The following ARMH3 variants were observed in gnomAD, a reference collection of about 807,000 sequenced individuals.
The protein encoded by ARMH3 is armadillo-like helical domain-containing protein 3.
Under a neutral mutation model 99.1 loss-of-function variants are expected in ARMH3, and 60 were observed. The observed-to-expected ratio is 0.61, with a 90% confidence interval of 0.49 to 0.75. The LOEUF is 0.75. Among genes scored for constraint, ARMH3 ranks in the 30% least tolerant of loss-of-function variants. ARMH3 has a pLI of 0.00. For synonymous variants in ARMH3, 285 were observed against 292.8 expected (o/e 0.97, Z 0.27); for missense variants, 679 against 843.1 (o/e 0.81, Z 2.41).
intron 24 of ARMH3, among the ~76,000 whole-genome samples, chr10:101,885,112 C>T (rs184325220): frequency 2.6e-5 from 4 of 152,032 alleles, no homozygotes; most frequent in East Asian, 1.9e-4. Flanking sequence ...TGAGATACTA[C>T]GTCATACCCA....
chr10:101,987,372 C>T (rs191979299), intron 19 of ARMH3, among the ~76,000 whole-genome samples: 1 of 152,334 alleles, frequency 6.6e-6, no homozygotes, highest in East Asian at 1.9e-4. Flanking sequence ...AGGTCAAATG[C>T]AACCTTCCGA....
At chr10:101,988,607 C>A (rs1214805490) in intron 19 of ARMH3, among the ~76,000 whole-genome samples, 1 of 152,114 alleles carries the variant, frequency 6.6e-6, no homozygotes, top group Non-Finnish European at 1.5e-5. Flanking sequence ...GAAAGCAAGA[C>A]TATATAGTTT....
In ARMH3 at chr10:102,030,457, C is replaced by T. The variant is rs1002477830; in HGVS notation, c.307-712G>A. 2.6e-5 allele frequency among the ~76,000 whole-genome samples: 4 copies of T among 152,046 alleles called. No homozygotes were observed. The South Asian group carries it at 8.3e-4, about 32-fold the overall frequency. On this transcript the variant is annotated intron_variant, in intron 4 of 25. Transcript: ENST00000370033. The stretch of plus-strand genomic sequence containing the variant: ...GACGCAGTGGCTCAAGCCTGTAATC[C>T]CAACACTTTGGGAGGCTGAGGCAAG...
In ARMH3 at chr10:101,849,832, C is replaced by A; in HGVS notation, c.1921G>T (p.Asp641Tyr). The stretch of plus-strand genomic sequence containing the variant: ...TGCTCTGAGTAGCGCTCATACTGGT[C>A]CAGGCCATCCTGCAGCTTCAGCGTG... ...TLTLKLQDGL[D>Y]QYERYSEQHK... Residue 641 changes from aspartate to tyrosine, a missense_variant, in exon 25 of 26, where the codon GAC becomes TAC. Coordinates refer to ENST00000370033, the MANE Select transcript of ARMH3 (RefSeq NM_024541.3). 6.2e-7 allele frequency: 1 copy of A among 1,614,176 alleles called. No individual in the cohort carries two copies. Among genetic ancestry groups the A allele is most frequent in the Non-Finnish European group, 8.5e-7 (1 of 1,180,040 alleles).
At chr10:101,959,989 G>A (rs1035809664) in intron 20 of ARMH3, among the ~76,000 whole-genome samples, 2 of 152,112 alleles carry the variant, frequency 1.3e-5, no homozygotes, top group African/African-American at 4.8e-5. Context: ...AACAGCCTGG[G>A]CAACACGGTG....
intron 6 of ARMH3, 81 bp downstream of exon 6, chr10:102,025,075 C>T: frequency 1.7e-6 from 2 of 1,170,912 alleles, no homozygotes; most frequent in Admixed American, 1.8e-5. Flanking sequence ...TTCTCTTTTT[C>T]CTTCTATCTT....
chr10:102,038,089 C>CTTTTT (rs949920845), intron 2 of ARMH3, among the ~76,000 whole-genome samples: 16 of 113,310 alleles, frequency 1.4e-4, no homozygotes, highest in Middle Eastern at 6.7e-3. Context: ...AGAAAGAATC[C>CTTTTT]TTTTTTTTTT....
intron 23 of ARMH3, among the ~76,000 whole-genome samples, chr10:101,922,085 A>G (rs1442915746): frequency 2.0e-5 from 3 of 152,340 alleles, no homozygotes; most frequent in South Asian, 2.1e-4. Context: ...ATGTAACCAA[A>G]TATCACGTGT....
At chr10:101,963,250 C>T (rs2135849870) in intron 20 of ARMH3, among the ~76,000 whole-genome samples, 1 of 151,770 alleles carries the variant, frequency 6.6e-6, no homozygotes, top group East Asian at 2.0e-4. Flanking sequence ...TCAAGCCATT[C>T]TCCTGCCTCA....
At chr10:102,024,873 T>C (rs2066966929) in intron 6 of ARMH3, among the ~76,000 whole-genome samples, 1 of 150,756 alleles carries the variant, frequency 6.6e-6, no homozygotes, top group Admixed American at 6.6e-5. Flanking sequence ...AAATGAGACC[T>C]GATAAGGACA....
intron 6 of ARMH3, 112 bp from the exon 7 acceptor site, chr10:102,023,861 ATAACT>A: frequency 9.8e-7 from 1 of 1,024,316 alleles, no homozygotes; most frequent in East Asian, 2.5e-5. Flanking sequence ...TTTCTACTAG[ATAACT>A]TAGCTGACCT....
At chr10:101,925,467 C>T (rs570213341) in intron 23 of ARMH3, among the ~76,000 whole-genome samples, 2 of 152,152 alleles carry the variant, frequency 1.3e-5, no homozygotes, top group African/African-American at 2.4e-5. Flanking sequence ...AAAGAATGTT[C>T]AGCAGTAGTA....
intron 19 of ARMH3, among the ~76,000 whole-genome samples, chr10:101,976,854 T>C (rs1217232984): frequency 6.6e-6 from 1 of 152,120 alleles, no homozygotes; most frequent in Non-Finnish European, 1.5e-5. Flanking sequence ...GGTTTCACCA[T>C]GTTGGCCAGG....
intron 19 of ARMH3, among the ~76,000 whole-genome samples, chr10:101,982,854 T>C (rs888005294): frequency 2.0e-5 from 3 of 152,052 alleles, no homozygotes; most frequent in Non-Finnish European, 2.9e-5. Context: ...TACATTATGG[T>C]GAGTTACAGA....
intron 8 of ARMH3, 27 bp from the exon 9 acceptor site, chr10:102,014,051 G>A (rs2066690200): frequency 6.3e-7 from 1 of 1,581,230 alleles, no homozygotes; most frequent in South Asian, 1.1e-5. Context: ...GAGACTCCAG[G>A]TAAGTCTGAC....
chr10:101,867,064 T>C (rs1308624080), intron 24 of ARMH3, among the ~76,000 whole-genome samples: 1 of 152,220 alleles, frequency 6.6e-6, no homozygotes, highest in Non-Finnish European at 1.5e-5. Context: ...CCCTGCTTTG[T>C]GCAATTGCAA....
chr10:101,889,791 C>T, intron 23 of ARMH3: 1 of 308,726 alleles, frequency 3.2e-6, no homozygotes, highest in South Asian at 3.9e-5. Flanking sequence ...AGAAAGGGAA[C>T]CCAGAGGGCT....
chr10:101,854,627 T>A (rs1201370201), intron 24 of ARMH3, among the ~76,000 whole-genome samples: 1 of 152,152 alleles, frequency 6.6e-6, no homozygotes, highest in African/African-American at 2.4e-5. Flanking sequence ...TGGGAAGGCC[T>A]AAACATCTGC....
chr10:102,040,524 T>C (rs78338467), intron 1 of ARMH3, among the ~76,000 whole-genome samples: 2,344 of 152,218 alleles, frequency 0.015, 25 homozygotes, highest in East Asian at 0.043. Flanking sequence ...GAGACAACGT[T>C]TAGGAAGAAG....
Sources: gnomAD v4.1 joint callset for allele counts (sites outside exome capture counted in the v4.1 genomes callset) on GRCh38, gnomAD v4.1.1 for gene constraint, MANE v1.5 for transcripts, NCBI Gene and HGNC (gene_info 2026-07-23, HGNC 2026-07-21) for gene names.